Variants in CCDC91 observed in about 807,000 individuals in gnomAD.
The protein encoded by CCDC91 is coiled-coil domain-containing protein 91.
A neutral mutation model predicts 63.2 loss-of-function variants in CCDC91; 48 were observed. That is an observed-to-expected ratio of 0.76 (90% CI 0.60 to 0.97). The LOEUF (loss-of-function observed/expected upper bound fraction) is 0.97. Among genes scored for constraint, CCDC91 ranks in the 50% least tolerant of loss-of-function variants. The pLI is 0.00. For missense variants in CCDC91, 500 were observed against 494.6 expected (o/e 1.01, Z -0.10); for synonymous variants, 167 against 165.8 (o/e 1.01, Z -0.06).
At chr12:28,460,715 A>G (rs1341705969) in intron 11 of CCDC91, among the ~76,000 whole-genome samples, 2 of 152,034 alleles carry the variant, frequency 1.3e-5, no homozygotes, top group Non-Finnish European at 2.9e-5. Context: ...ATAAAGCCAC[A>G]TTCTTCACAT....
intron 6 of CCDC91, among the ~76,000 whole-genome samples, chr12:28,340,744 C>T (rs1187061348): frequency 6.6e-6 from 1 of 152,146 alleles, no homozygotes; most frequent in Non-Finnish European, 1.5e-5. Flanking sequence ...GTTTACAGCT[C>T]CTGAGGCTGC....
At chr12:28,335,349 TTAAA>T (rs1941884392) in intron 6 of CCDC91, among the ~76,000 whole-genome samples, 2 of 125,256 alleles carry the variant, frequency 1.6e-5, no homozygotes, top group African/African-American at 2.7e-5. Context: ...ATTTATATAT[TTAAA>T]TATATATTCA....
chr12:28,213,583 G>A (rs1452082281), intron 1 of CCDC91, among the ~76,000 whole-genome samples: 2 of 152,212 alleles, frequency 1.3e-5, no homozygotes, highest in African/African-American at 2.4e-5. Flanking sequence ...GAAAGGGACA[G>A]TGTTTTGTTC....
chr12:28,274,990 A>G (rs1948095033), intron 3 of CCDC91, among the ~76,000 whole-genome samples: 1 of 152,296 alleles, frequency 6.6e-6, no homozygotes, highest in Non-Finnish European at 1.5e-5. Flanking sequence ...GGAAATTTAT[A>G]GCACTAAATG....
chr12:28,286,957 A>G (rs1394982077), intron 3 of CCDC91, among the ~76,000 whole-genome samples: 2 of 151,984 alleles, frequency 1.3e-5, no homozygotes, highest in Non-Finnish European at 2.9e-5. Flanking sequence ...GCATTTCTCT[A>G]GTGATCAGTG....
intron 8 of CCDC91, among the ~76,000 whole-genome samples, chr12:28,440,084 T>C (rs1949107934): frequency 1.3e-5 from 2 of 152,212 alleles, no homozygotes; most frequent in African/African-American, 4.8e-5. Context: ...TCTACTGGTA[T>C]AGATTTCAGT....
At chr12:28,498,224 G>C (rs536992790) in intron 12 of CCDC91, among the ~76,000 whole-genome samples, 3 of 151,574 alleles carry the variant, frequency 2.0e-5, no homozygotes, top group Non-Finnish European at 4.4e-5. Flanking sequence ...CATCAGTAGA[G>C]AGGTTATTGA....
At chr12:28,268,502 TGACA>T (rs2136331575) in intron 3 of CCDC91, 1 of 201,658 alleles carries the variant, frequency 5.0e-6, no homozygotes, top group East Asian at 1.9e-4. Flanking sequence ...AGCCTTAAAC[TGACA>T]GACTGTTCTA....
intron 11 of CCDC91, among the ~76,000 whole-genome samples, chr12:28,458,564 G>T (rs1180724011): frequency 1.7e-4 from 23 of 138,554 alleles, no homozygotes; most frequent in Admixed American, 1.6e-4. Context: ...CCCCCTCCTG[G>T]TTTCAAGCAA....
At chr12:28,276,744 GA>G (rs1005627610) in intron 3 of CCDC91, among the ~76,000 whole-genome samples, 2 of 151,830 alleles carry the variant, frequency 1.3e-5, no homozygotes, top group Non-Finnish European at 2.9e-5. Context: ...ATTTACTTTA[GA>G]AAAACTGTTT....
At chr12:28,461,756 G>A (rs1950320694) in intron 11 of CCDC91, among the ~76,000 whole-genome samples, 1 of 151,726 alleles carries the variant, frequency 6.6e-6, no homozygotes, top group African/African-American at 2.4e-5. Flanking sequence ...TCTTTGTTGG[G>A]TCACAGAATC....
chr12:28,246,589 T>C (rs1470584255), intron 1 of CCDC91, among the ~76,000 whole-genome samples: 2 of 152,152 alleles, frequency 1.3e-5, no homozygotes, highest in East Asian at 1.9e-4. Context: ...TTGAAAGATT[T>C]GGAGTTGAGA....
intron 11 of CCDC91, among the ~76,000 whole-genome samples, chr12:28,453,808 C>T (rs374609253): frequency 2.0e-5 from 3 of 151,968 alleles, no homozygotes; most frequent in African/African-American, 7.2e-5. Context: ...AGTTCTTATT[C>T]GGGAGAGTTT....
chr12:28,507,333 G>A (rs1938850832), intron 12 of CCDC91, among the ~76,000 whole-genome samples: 1 of 151,930 alleles, frequency 6.6e-6, no homozygotes, highest in Admixed American at 6.6e-5. Context: ...ATAATTCTTT[G>A]TTGTGGGGGC....
At chr12:28,396,273 G>A (rs1946280219) in intron 8 of CCDC91, among the ~76,000 whole-genome samples, 2 of 152,130 alleles carry the variant, frequency 1.3e-5, no homozygotes, top group Admixed American at 1.3e-4. Context: ...AAGACCATAT[G>A]AGGGTGCTAA....
At chr12:28,352,390 A>C (rs889544184) in intron 6 of CCDC91, among the ~76,000 whole-genome samples, 13 of 152,194 alleles carry the variant, frequency 8.5e-5, no homozygotes, top group African/African-American at 3.1e-4. Context: ...TTTACCCAAA[A>C]TAAAACTTCT....
chr12:28,536,980 C>T (rs1942224723), intron 12 of CCDC91, among the ~76,000 whole-genome samples: 1 of 152,054 alleles, frequency 6.6e-6, no homozygotes, highest in South Asian at 2.1e-4. Context: ...AATTATTCTG[C>T]AGAACCAGCT....
intron 12 of CCDC91, among the ~76,000 whole-genome samples, chr12:28,487,916 C>CT (rs981093051): frequency 3.3e-5 from 5 of 151,408 alleles, no homozygotes; most frequent in East Asian, 3.9e-4. Context: ...TCCCCTACAT[C>CT]TTTTTTTTAG....
intron 8 of CCDC91, among the ~76,000 whole-genome samples, chr12:28,448,159 G>T (rs1336580721): frequency 6.6e-6 from 1 of 151,956 alleles, no homozygotes; most frequent in African/African-American, 2.4e-5. Context: ...GATTATTGTT[G>T]AAATAAAGAC....
Sources: gnomAD v4.1 joint callset for allele counts (sites outside exome capture counted in the v4.1 genomes callset) on GRCh38, gnomAD v4.1.1 for gene constraint, MANE v1.5 for transcripts, NCBI Gene and HGNC (gene_info 2026-07-23, HGNC 2026-07-21) for gene names.